ERV3-1: variants seen among roughly 807,000 people sequenced by gnomAD.
ERV3-1 encodes endogenous retrovirus group 3 member 1, envelope.
Under a neutral mutation model 24.6 loss-of-function variants are expected in ERV3-1, and 36 were observed. The observed-to-expected ratio is 1.47, with a 90% CI of 1.12 to 1.94. The LOEUF is 1.94. ERV3-1 is among the 30% of genes most tolerant of loss of function. The pLI, the probability that ERV3-1 is intolerant of heterozygous loss-of-function variation, is 0.00. For missense variants in ERV3-1, 578 were observed against 330.9 expected (o/e 1.75, Z -5.79); for synonymous variants, 211 against 122.6 (o/e 1.72, Z -4.76).
At position 64,991,469 on chromosome 7, in the gene ERV3-1, C is replaced by G. The variant is rs368193101; in HGVS notation, c.1558G>C (p.Ala520Pro). 24 of 704,134 alleles carry G rather than the reference C, an allele frequency of 3.4e-5. No homozygotes were observed. Among genetic ancestry groups the G allele is most frequent in the African/African-American group, 3.1e-4 (18 of 57,374 alleles). The allele number at this position is 704,134 out of a possible 1,614,324, so 43.6% of individuals were successfully genotyped here. A position where few individuals can be genotyped will look rare whatever the true frequency, so the allele number is the denominator to read the frequency against. Residue 520 changes from alanine to proline, a missense_variant, in exon 2 of 2, where the codon GCA becomes CCA. Coordinates refer to ENST00000394323, the MANE Select transcript of ERV3-1 (RefSeq NM_001007253.4). ...YMLNRIIRLQ[A>P]VLEIITNETA... is the part of the protein sequence containing the mutation. ...TCATTGGTAATGATTTCTAGTACTG[C>G]CTGCAATCTTATAATGCGGTTAAGC... is the stretch of plus-strand genomic sequence containing the variant.
Position 64,991,876 on chromosome 7 carries a change from G to T in ERV3-1, c.1151C>A (p.Ser384Tyr), listed in dbSNP as rs71562937. 1 of 766,332 alleles carries T rather than the reference G, an allele frequency of 1.3e-6. No homozygotes were observed. Among genetic ancestry groups the T allele is most frequent in the South Asian group, 1.3e-5 (1 of 74,614 alleles). 47.5% of individuals were successfully genotyped at this position (766,332 alleles called of 1,614,324 possible). ...KTLWRGKSNN[S>Y]ESPHPSPFSR... Reference sequence around the variant, plus strand: ...GAATGGGCTTGGGTGTGGTGATTCAGAATTATTGCTTTTGCCCCTCCATAA... The same window carrying T: ...GAATGGGCTTGGGTGTGGTGATTCATAATTATTGCTTTTGCCCCTCCATAA... The change falls in exon 2 of 2, where the codon TCT (serine) becomes TAT (tyrosine). Residue 384 changes from serine (S) to tyrosine (Y), a missense_variant. Ser to Tyr is a moderately radical substitution (Grantham distance 144). Coordinates refer to ENST00000394323, the MANE Select transcript of ERV3-1 (RefSeq NM_001007253.4).
intron 1 of ERV3-1, among the ~76,000 whole-genome samples, chr7:64,999,252 G>A (rs952324880): frequency 6.6e-6 from 1 of 152,198 alleles, no homozygotes; most frequent in Non-Finnish European, 1.5e-5. Context: ...ATGGTGCCTT[G>A]GGTCACGGGT....
At chr7:64,999,161 C>CGT (rs1786468048) in intron 1 of ERV3-1, among the ~76,000 whole-genome samples, 3 of 152,138 alleles carry the variant, frequency 2.0e-5, no homozygotes, top group Non-Finnish European at 4.4e-5. Context: ...GTCCTGTAGC[C>CGT]CCTTAGGTTC....
intron 1 of ERV3-1, among the ~76,000 whole-genome samples, chr7:65,001,133 C>T (rs1433582139): frequency 4.6e-5 from 7 of 152,158 alleles, no homozygotes; most frequent in African/African-American, 1.4e-4. Context: ...CCAAACCCCC[C>T]GTGACACAAT....
rs745995588 is a variant in ERV3-1 at position 64,992,720 on chromosome 7, G to A, written c.307C>T (p.Leu103Phe). 8 of 766,430 alleles carry A rather than the reference G, an allele frequency of 1.0e-5. No homozygotes were observed. Among genetic ancestry groups the A allele is most frequent in the Non-Finnish European group, 1.7e-5 (7 of 417,918 alleles). 47.5% of individuals were successfully genotyped at this position (766,430 alleles called of 1,614,324 possible). ...GGAAATACCTTGGTTTGGTTTAGAA[G>A]ATCCCCTTCCTTTGACCCGACATGA... ...EIHVGSKEGD[L>F]LNQTKVFPSG... Residue 103 changes from leucine to phenylalanine, a missense_variant, in exon 2 of 2, where the codon CTT (leucine) becomes TTT (phenylalanine). By Grantham distance (22) the Leu-to-Phe change is conservative. Coordinates refer to ENST00000394323, the MANE Select transcript of ERV3-1 (RefSeq NM_001007253.4).
chr7:64,994,464 G>A (rs1470645111), intron 1 of ERV3-1, among the ~76,000 whole-genome samples: 1 of 152,168 alleles, frequency 6.6e-6, no homozygotes, highest in African/African-American at 2.4e-5. Flanking sequence ...CTGGAGGGGA[G>A]GCTCTGGGAG....
chr7:64,997,427 A>G (rs1292679905), intron 1 of ERV3-1, among the ~76,000 whole-genome samples: 1 of 152,326 alleles, frequency 6.6e-6, no homozygotes, highest in African/African-American at 2.4e-5. Flanking sequence ...TAAAGCTAGA[A>G]TGCTTTACAG....
At chr7:64,998,196 C>CT (rs1786445895) in intron 1 of ERV3-1, among the ~76,000 whole-genome samples, 2 of 152,094 alleles carry the variant, frequency 1.3e-5, no homozygotes, top group Non-Finnish European at 1.5e-5. Flanking sequence ...ACTGGTTTTT[C>CT]TTGTGGCTTT....
chr7:64,996,282 A>T (rs1054544090), intron 1 of ERV3-1, among the ~76,000 whole-genome samples: 4 of 152,166 alleles, frequency 2.6e-5, no homozygotes, highest in Non-Finnish European at 4.4e-5. Flanking sequence ...GAGCCACTTT[A>T]AATGCTTATA....
rs1376260410 is a variant in ERV3-1, at chr7:65,006,649, G to T, written c.-497C>A. 5 of 1,525,798 alleles carry T rather than the reference G, an allele frequency of 3.3e-6. No homozygotes were observed. The East Asian group carries it at 9.0e-5, about 28-fold the overall frequency. The allele number at this position is 1,525,798 out of a possible 1,614,324, so 94.5% of individuals were successfully genotyped here. ...CTCTAGGAGCAGAAGACACAGAGCA[G>T]TGAAGACTACACCAGAAGCTCCGGC... On this transcript the variant is annotated 5_prime_UTR_variant, in exon 1 of 2. The change creates a new upstream start codon in the 5' untranslated region. Transcript: ENST00000394323.
At chr7:65,002,375 G>A (rs1321853541) in intron 1 of ERV3-1, among the ~76,000 whole-genome samples, 1 of 152,196 alleles carries the variant, frequency 6.6e-6, no homozygotes, top group Non-Finnish European at 1.5e-5. Flanking sequence ...CCAGACTAGA[G>A]TGTAGTGGCA....
rs201674873 is a variant in ERV3-1 at position 64,999,110 on chromosome 7, CCAAA to C, written c.-388-5700_-388-5697del. Among the ~76,000 whole-genome samples the C allele has an allele frequency of 1.0e-3, 153 of 152,258 alleles. 2 individuals are homozygous for C. The East Asian group carries it at 0.027, about 27-fold the overall frequency. Reference sequence around the variant, plus strand: ...TTATGGGACGGGTCCTGCCTTGGGCCCAAACCTTACTGCAGTCCTGTAGCGTGAA... The same window carrying C: ...TTATGGGACGGGTCCTGCCTTGGGCCCCTTACTGCAGTCCTGTAGCGTGAA... On this transcript the variant is annotated intron_variant, in intron 1 of 1. Transcript: ENST00000394323.
Position 64,993,187 on chromosome 7 carries a change from C to G in ERV3-1, c.-161G>C, listed in dbSNP as rs968061195. On this transcript the variant is annotated 5_prime_UTR_variant, in exon 2 of 2. Coordinates refer to ENST00000394323, the MANE Select transcript of ERV3-1 (RefSeq NM_001007253.4). The stretch of plus-strand genomic sequence containing the variant: ...CTTCGGCCGTGCATAGACTAGTCAG[C>G]TTCTGGGGTGACTAGAGCAGGGCTG... The G allele has an allele frequency of 1.7e-5, 10 of 594,236 alleles. No homozygotes were observed. The highest frequency in any genetic ancestry group is 1.5e-4 in the African/African-American group (8 of 53,750). 36.8% of individuals were successfully genotyped at this position (594,236 alleles called of 1,614,324 possible). A position where few individuals can be genotyped will look rare whatever the true frequency, so the allele number is the denominator to read the frequency against.
At position 64,991,484 on chromosome 7, in the gene ERV3-1, T is replaced by C. The variant is rs1293173268; in HGVS notation, c.1543A>G (p.Ile515Val). 8.5e-6 allele frequency: 6 copies of C among 704,036 alleles called. No individual in the cohort carries two copies. The Admixed American group carries it at 1.0e-4, about 12-fold the overall frequency. The allele number at this position is 704,036 out of a possible 1,614,324, so 43.6% of individuals were successfully genotyped here. The change falls in exon 2 of 2, where the codon ATT becomes GTT. Residue 515 changes from isoleucine (I) to valine (V), a missense_variant. Physicochemically the swap from Ile to Val is conservative, Grantham distance 29 (BLOSUM62 3). Coordinates refer to ENST00000394323, the MANE Select transcript of ERV3-1 (RefSeq NM_001007253.4). Reference protein sequence around the residue: ...YRTPVYMLNRIIRLQAVLEII... With the variant: ...YRTPVYMLNRVIRLQAVLEII... ...TCTAGTACTGCCTGCAATCTTATAA[T>C]GCGGTTAAGCATGTAAACTGGGGTG...
chr7:64,993,194 G>C lies in ERV3-1; in HGVS notation c.-168C>G, dbSNP rs945411825. On this transcript the variant is annotated 5_prime_UTR_variant, in exon 2 of 2. Transcript: ENST00000394323. ...CGTGCATAGACTAGTCAGCTTCTGG[G>C]GTGACTAGAGCAGGGCTGTTGTCTC... 1.7e-6 allele frequency: 1 copy of C among 591,578 alleles called. No homozygotes were observed. Among genetic ancestry groups the C allele is most frequent in the Non-Finnish European group, 3.0e-6 (1 of 332,920 alleles). 36.6% of individuals were successfully genotyped at this position (591,578 alleles called of 1,614,324 possible).
chr7:65,001,095 G>A (rs1786510345), intron 1 of ERV3-1, among the ~76,000 whole-genome samples: 1 of 146,390 alleles, frequency 6.8e-6, no homozygotes, highest in Non-Finnish European at 1.5e-5. Context: ...GCTATGCTTA[G>A]TACCTCAGTG....
At chr7:64,997,826 G>A (rs1786437272) in intron 1 of ERV3-1, among the ~76,000 whole-genome samples, 1 of 152,182 alleles carries the variant, frequency 6.6e-6, no homozygotes, top group Non-Finnish European at 1.5e-5. Flanking sequence ...TCTCTGTGTA[G>A]GAGGGAGTAG....
intron 1 of ERV3-1, chr7:65,004,286 C>T (rs1224722984): frequency 6.6e-6 from 1 of 152,174 alleles, no homozygotes; most frequent in African/African-American, 2.4e-5. Flanking sequence ...TCACTTGAAC[C>T]CAGAGGCAGA....
intron 1 of ERV3-1, among the ~76,000 whole-genome samples, chr7:64,998,003 G>T (rs572520454): frequency 1.3e-5 from 2 of 152,206 alleles, no homozygotes; most frequent in African/African-American, 4.8e-5. Context: ...AAGGCGGCCT[G>T]CTTGATCATC....
Sources: gnomAD v4.1 joint callset for allele counts (sites outside exome capture counted in the v4.1 genomes callset) on GRCh38, gnomAD v4.1.1 for gene constraint, MANE v1.5 for transcripts, NCBI Gene and HGNC (gene_info 2026-07-23, HGNC 2026-07-21) for gene names.